MGAT4C: variants seen among roughly 807,000 people sequenced by gnomAD.
The protein encoded by MGAT4C is alpha-1,3-mannosyl-glycoprotein 4-beta-N-acetylglucosaminyltransferase C.
Under a neutral mutation model 40.1 loss-of-function variants are expected in MGAT4C, and 19 were observed. The observed-to-expected ratio is 0.47, with a 90% CI of 0.33 to 0.70. MGAT4C has a LOEUF of 0.70. MGAT4C is among the 30% of genes least tolerant of loss of function. The probability of loss-of-function intolerance (pLI) is 0.02; values close to 1 mark genes in which losing one functional copy is unlikely to be tolerated. For missense variants in MGAT4C, 491 were observed against 563.2 expected (o/e 0.87, Z 1.30); for synonymous variants, 181 against 187.1 (o/e 0.97, Z 0.27).
intron 1 of MGAT4C, among the ~76,000 whole-genome samples, chr12:86,155,978 A>T (rs1884883623): frequency 6.6e-6 from 1 of 152,210 alleles, no homozygotes; most frequent in Non-Finnish European, 1.5e-5. Flanking sequence ...AAATAAAAAA[A>T]GTTACAGCAT....
At chr12:86,157,537 A>G (rs1335263441) in intron 1 of MGAT4C, among the ~76,000 whole-genome samples, 1 of 152,172 alleles carries the variant, frequency 6.6e-6, no homozygotes, top group African/African-American at 2.4e-5. Flanking sequence ...GAAAAATAAT[A>G]AATCCCCTGT....
intron 1 of MGAT4C, among the ~76,000 whole-genome samples, chr12:86,788,036 T>C (rs2136190109): frequency 6.6e-6 from 1 of 152,160 alleles, no homozygotes; most frequent in East Asian, 1.9e-4. Flanking sequence ...AATGATCAGA[T>C]TCATGAGGTA....
intron 1 of MGAT4C, among the ~76,000 whole-genome samples, chr12:86,245,421 T>C (rs1951984067): frequency 6.6e-6 from 1 of 152,214 alleles, no homozygotes; most frequent in Non-Finnish European, 1.5e-5. Context: ...TCAGACACCA[T>C]GTTCTGCCTC....
intron 2 of MGAT4C, among the ~76,000 whole-genome samples, chr12:86,632,499 A>G (rs528707903): frequency 2.0e-5 from 3 of 152,260 alleles, no homozygotes; most frequent in African/African-American, 7.2e-5. Flanking sequence ...AAGACTTGGA[A>G]CCAGCCCAAA....
chr12:86,366,922 A>C (rs1233709935), intron 3 of MGAT4C, among the ~76,000 whole-genome samples: 1 of 152,172 alleles, frequency 6.6e-6, no homozygotes, highest in Non-Finnish European at 1.5e-5. Flanking sequence ...TTAACTTCTC[A>C]GCAATTTAGG....
At chr12:86,822,468 A>C (rs1047527107) in intron 1 of MGAT4C, among the ~76,000 whole-genome samples, 1 of 151,128 alleles carries the variant, frequency 6.6e-6, no homozygotes, top group African/African-American at 2.4e-5. Flanking sequence ...CTTTAGACAC[A>C]TGCAGGCTGA....
At chr12:86,691,113 T>C (rs1243803903) in intron 2 of MGAT4C, among the ~76,000 whole-genome samples, 1 of 152,212 alleles carries the variant, frequency 6.6e-6, no homozygotes, top group African/African-American at 2.4e-5. Flanking sequence ...TCCTATGATC[T>C]GTCTATATTC....
chr12:86,804,757 A>T (rs1219624493), intron 1 of MGAT4C, among the ~76,000 whole-genome samples: 2 of 152,034 alleles, frequency 1.3e-5, no homozygotes, highest in East Asian at 3.9e-4. Context: ...ATTTCTCAAC[A>T]GTTCAGCTAT....
chr12:86,687,361 TTTC>T, intron 2 of MGAT4C, among the ~76,000 whole-genome samples: 2 of 152,306 alleles, frequency 1.3e-5, no homozygotes, highest in African/African-American at 4.8e-5. Context: ...ATCTTCGTTA[TTTC>T]TTGTCTTCTG....
At chr12:86,722,283 C>T (rs934857751) in intron 2 of MGAT4C, among the ~76,000 whole-genome samples, 3 of 152,076 alleles carry the variant, frequency 2.0e-5, no homozygotes, top group African/African-American at 4.8e-5. Context: ...TCTGAGCATG[C>T]ATCTTTTCCC....
intron 2 of MGAT4C, among the ~76,000 whole-genome samples, chr12:86,041,774 G>A (rs536274061): frequency 7.2e-5 from 11 of 152,270 alleles, no homozygotes; most frequent in South Asian, 2.1e-4. Context: ...CCGTGTGCAC[G>A]TGAAAAGAAT....
intron 1 of MGAT4C, among the ~76,000 whole-genome samples, chr12:86,060,595 C>T (rs1323892312): frequency 3.3e-5 from 5 of 152,110 alleles, no homozygotes; most frequent in African/African-American, 4.8e-5. Flanking sequence ...TATGAACCCT[C>T]GCATTGAGCA....
chr12:86,685,050 T>TAC (rs1950048733), intron 2 of MGAT4C, among the ~76,000 whole-genome samples: 1 of 152,182 alleles, frequency 6.6e-6, no homozygotes, highest in African/African-American at 2.4e-5. Flanking sequence ...TAAGATCCCA[T>TAC]TTGTCAATTT....
rs191482748 is a variant in MGAT4C, at chr12:86,024,010, T to C, written c.-7+25664A>G. ...CTTATATGTTTAATATGTAAAACTTTAACTATGAAAAAAATGTATACAGAG... is the reference window on the plus strand; with the variant it reads ...CTTATATGTTTAATATGTAAAACTTCAACTATGAAAAAAATGTATACAGAG... On this transcript the variant is annotated intron_variant, in intron 2 of 4. Transcript: ENST00000611864. Among the ~76,000 whole-genome samples, 9 of 143,528 alleles carry C rather than the reference T, an allele frequency of 6.3e-5. No individual in the cohort carries two copies. In the East Asian group the frequency reaches 1.5e-3, roughly 25 times the overall value. The allele number at this position is 143,528 out of a possible 152,430, so 94.2% of individuals were successfully genotyped here.
intron 2 of MGAT4C, among the ~76,000 whole-genome samples, chr12:86,045,416 T>C (rs1892302119): frequency 1.3e-5 from 2 of 152,186 alleles, no homozygotes; most frequent in African/African-American, 2.4e-5. Flanking sequence ...CTTGCATGAC[T>C]CTAGACATTT....
At chr12:85,983,747 CA>C in intron 3 of MGAT4C, 77 bp from the exon 4 acceptor site, 1 of 1,209,336 alleles carries the variant, frequency 8.3e-7, no homozygotes, top group Non-Finnish European at 1.1e-6. Context: ...CTTTTTTACA[CA>C]ATAAATGTAC....
At position 86,352,881 on chromosome 12, in the gene MGAT4C, G is replaced by C. The variant is rs534295123; in HGVS notation, c.-119-18754C>G. Among the ~76,000 whole-genome samples the C allele has an allele frequency of 9.9e-5, 15 of 151,876 alleles. No homozygotes were observed. In the East Asian group the frequency reaches 2.7e-3, roughly 28 times the overall value. Reference sequence around the variant, plus strand: ...GGGGTCTGTTGTTGGGTGGGGGAAGGGGGGAGGGGTAGCATTAGGAGATAT... The same window carrying C: ...GGGGTCTGTTGTTGGGTGGGGGAAGCGGGGAGGGGTAGCATTAGGAGATAT... On this transcript the variant is annotated intron_variant, in intron 3 of 7. Transcript: ENST00000548651.
chr12:86,571,051 G>A (rs993133974), intron 2 of MGAT4C, among the ~76,000 whole-genome samples: 1 of 152,072 alleles, frequency 6.6e-6, no homozygotes, highest in Non-Finnish European at 1.5e-5. Context: ...CTGACCTCAA[G>A]TGATCCACCC....
At chr12:86,691,627 A>AT (rs1555219924) in intron 2 of MGAT4C, among the ~76,000 whole-genome samples, 3 of 151,970 alleles carry the variant, frequency 2.0e-5, no homozygotes, top group Non-Finnish European at 4.4e-5. Flanking sequence ...ACTAGCCATC[A>AT]CCAGATGCAA....
Sources: gnomAD v4.1 joint callset for allele counts (sites outside exome capture counted in the v4.1 genomes callset) on GRCh38, gnomAD v4.1.1 for gene constraint, MANE v1.5 for transcripts, NCBI Gene and HGNC (gene_info 2026-07-23, HGNC 2026-07-21) for gene names.